ASIC2: variants seen among roughly 807,000 people sequenced by gnomAD.
The protein encoded by ASIC2 is acid sensing ion channel subunit 2.
In ASIC2, 25 loss-of-function variants were observed where a neutral mutation model predicts 57.3. The observed-to-expected ratio is 0.44, with a 90% CI of 0.32 to 0.61. ASIC2 has a LOEUF of 0.61. Ranked by LOEUF, ASIC2 falls within the 20% of genes least tolerant of loss-of-function variation. ASIC2 has a pLI of 0.06. For synonymous variants in ASIC2, 319 were observed against 307.5 expected, an observed-to-expected ratio of 1.04 and a Z score of -0.39; for missense variants, 641 against 738.1, an observed-to-expected ratio of 0.87 and a Z score of 1.52.
intron 1 of ASIC2, among the ~76,000 whole-genome samples, chr17:33,535,302 T>C (rs2141964153): frequency 6.7e-6 from 1 of 150,328 alleles, no homozygotes; most frequent in Admixed American, 6.7e-5. Context: ...AGATGGAGTA[T>C]CACTCAGTCG....
intron 1 of ASIC2, among the ~76,000 whole-genome samples, chr17:33,808,739 G>T (rs781153008): frequency 3.9e-5 from 6 of 152,002 alleles, no homozygotes; most frequent in Non-Finnish European, 5.9e-5. Flanking sequence ...CTCTACTAAG[G>T]CATCTCCCTC....
chr17:33,343,440 A>G (rs966794659), intron 1 of ASIC2, among the ~76,000 whole-genome samples: 1 of 152,176 alleles, frequency 6.6e-6, no homozygotes, highest in Non-Finnish European at 1.5e-5. Flanking sequence ...TTATGGTCCA[A>G]TCCACTCCCT....
At chr17:33,869,959 T>C (rs187349660) in intron 1 of ASIC2, among the ~76,000 whole-genome samples, 4 of 152,336 alleles carry the variant, frequency 2.6e-5, no homozygotes, top group Admixed American at 2.0e-4. Context: ...GCAGGCTGTA[T>C]TTGGCCCAAT....
rs528862295 is a variant in ASIC2 at position 33,958,606 on chromosome 17, G to A, written c.555+197372C>T. Among the ~76,000 whole-genome samples the A allele has an allele frequency of 4.1e-4, 62 of 152,176 alleles. 1 individual carries two copies. The South Asian group carries it at 0.013, about 32-fold the overall frequency. On this transcript the variant is annotated intron_variant, in intron 1 of 9. Transcript: ENST00000359872. ...GGAGCTGAAGCAGCTGGTATGCAGG[G>A]CACCATGTCCAGAGGCTGCACACTG...
At chr17:33,365,375 T>G (rs756453352) in intron 1 of ASIC2, among the ~76,000 whole-genome samples, 1 of 146,348 alleles carries the variant, frequency 6.8e-6, no homozygotes, top group African/African-American at 2.4e-5. Context: ...GGGTAGTAAC[T>G]GGGTCTTGTT....
intron 3 of ASIC2, among the ~76,000 whole-genome samples, chr17:33,070,224 T>C (rs998722954): frequency 1.4e-4 from 21 of 152,244 alleles, no homozygotes; most frequent in Admixed American, 9.8e-4. Flanking sequence ...AAGTTCATAA[T>C]ATGTTGTTAT....
In ASIC2 at chr17:33,588,722, C is replaced by T. The variant is rs140162995; in HGVS notation, c.556-476655G>A. ...TCCAAGGCAGAGAGGGAAGGTGTTA[C>T]CTTATACAAGGGGTCAAGTGTGGCT... On this transcript the variant is annotated intron_variant, in intron 1 of 9. Coordinates refer to the ASIC2 transcript ENST00000359872. 5.7e-3 allele frequency among the ~76,000 whole-genome samples: 862 copies of T among 152,242 alleles called. 9 individuals are homozygous for T. Among genetic ancestry groups the T allele is most frequent in the African/African-American group, 0.019 (789 of 41,532 alleles).
chr17:33,780,117 C>A (rs564372149), intron 1 of ASIC2, among the ~76,000 whole-genome samples: 66 of 151,968 alleles, frequency 4.3e-4, no homozygotes, highest in African/African-American at 1.5e-3. Context: ...AACACAGGTG[C>A]CCGCCACCAT....
intron 1 of ASIC2, among the ~76,000 whole-genome samples, chr17:33,470,231 A>T (rs546434739): frequency 6.6e-6 from 1 of 152,232 alleles, no homozygotes; most frequent in African/African-American, 2.4e-5. Flanking sequence ...TGGGTCTTAA[A>T]CCAATGGACA....
intron 1 of ASIC2, among the ~76,000 whole-genome samples, chr17:33,584,733 G>C (rs1434047347): frequency 1.3e-5 from 2 of 152,132 alleles, no homozygotes; most frequent in Non-Finnish European, 2.9e-5. Flanking sequence ...GGAGGTACTG[G>C]TGATGGAGTG....
intron 1 of ASIC2, among the ~76,000 whole-genome samples, chr17:33,210,172 C>T (rs1907217856): frequency 6.6e-6 from 1 of 152,214 alleles, no homozygotes; most frequent in Non-Finnish European, 1.5e-5. Context: ...ACCAGTGGAG[C>T]CAGTACCCAT....
chr17:33,155,824 G>A (rs1386209469), intron 1 of ASIC2, among the ~76,000 whole-genome samples: 4 of 151,998 alleles, frequency 2.6e-5, no homozygotes, highest in Non-Finnish European at 4.4e-5. Flanking sequence ...TTACAGGTGT[G>A]AGCCACTGCA....
chr17:33,909,873 G>GA (rs1915425598), intron 1 of ASIC2, among the ~76,000 whole-genome samples: 1 of 152,172 alleles, frequency 6.6e-6, no homozygotes. Context: ...ATCCCCTGAA[G>GA]AGAAAATGTG....
rs138151584 is a variant in ASIC2 at position 33,107,573 on chromosome 17, A to C, written c.859+4344T>G. Among the ~76,000 whole-genome samples, 26 of 152,308 alleles carry C rather than the reference A, an allele frequency of 1.7e-4. No individual in the cohort carries two copies. The East Asian group carries it at 4.6e-3, about 27-fold the overall frequency. On this transcript the variant is annotated intron_variant, in intron 2 of 9. Coordinates refer to ENST00000225823, the MANE Select transcript of ASIC2 (RefSeq NM_183377.2). The stretch of plus-strand genomic sequence containing the variant: ...ATGGCATATTATCACGGTGCCCCAC[A>C]TGAAGATGTGTGACCAAGGGGAGCA...
At chr17:33,479,592 C>G (rs2141925764) in intron 1 of ASIC2, among the ~76,000 whole-genome samples, 1 of 152,260 alleles carries the variant, frequency 6.6e-6, no homozygotes, top group Non-Finnish European at 1.5e-5. Context: ...GTTTCTTCAC[C>G]AGTGGGCCTT....
intron 1 of ASIC2, among the ~76,000 whole-genome samples, chr17:33,143,637 C>T (rs1216081305): frequency 1.3e-5 from 2 of 152,154 alleles, no homozygotes; most frequent in African/African-American, 2.4e-5. Flanking sequence ...TTTTACTAGT[C>T]TATACTACCG....
At chr17:33,684,666 T>C (rs1908124314) in intron 1 of ASIC2, among the ~76,000 whole-genome samples, 1 of 152,200 alleles carries the variant, frequency 6.6e-6, no homozygotes, top group South Asian at 2.1e-4. Context: ...GCCTGCTAAA[T>C]TGGTCATTAT....
At chr17:33,224,405 G>A (rs1008127637) in intron 1 of ASIC2, among the ~76,000 whole-genome samples, 2 of 152,218 alleles carry the variant, frequency 1.3e-5, no homozygotes, top group South Asian at 4.1e-4. Flanking sequence ...GTGGCAGAGA[G>A]GGGAGGAGAG....
At chr17:33,322,220 A>C (rs1214380482) in intron 1 of ASIC2, among the ~76,000 whole-genome samples, 1 of 152,204 alleles carries the variant, frequency 6.6e-6, no homozygotes, top group Admixed American at 6.5e-5. Flanking sequence ...AGGCAGGCTG[A>C]AAGTGGAGCA....
Sources: allele counts gnomAD v4.1 joint callset (sites outside exome capture counted in the v4.1 genomes callset), GRCh38; gene constraint gnomAD v4.1.1; transcripts MANE v1.5; gene names NCBI Gene and HGNC (gene_info 2026-07-23, HGNC 2026-07-21).